Variants in UBOX5 observed in about 807,000 individuals in gnomAD.
UBOX5 encodes the protein RING finger protein 37.
In UBOX5, 28 loss-of-function variants were observed where a neutral mutation model predicts 39.0. That is an observed-to-expected ratio of 0.72 (90% CI 0.53 to 0.98). The LOEUF is 0.98. UBOX5 is among the 50% of genes least tolerant of loss of function. The pLI is 0.00. For missense variants in UBOX5, 585 were observed against 674.4 expected, an observed-to-expected ratio of 0.87 and a Z score of 1.47; for synonymous variants, 283 against 275.5, an observed-to-expected ratio of 1.03 and a Z score of -0.27.
rs1568468561 is a variant in UBOX5 at position 3,115,353 on chromosome 20, G to A, written c.1369C>T (p.Leu457Phe). The A allele has an allele frequency of 1.2e-6, 2 of 1,614,106 alleles. No homozygotes were observed. The highest frequency in any genetic ancestry group is 1.7e-5 in the Admixed American group (1 of 60,012). Reference sequence around the variant, plus strand: ...GAAGTGTTGCTCCCTCTTGTGCCAAGGTGCTGGAGCTGTCCCCTGGTCAGC... The same window carrying A: ...GAAGTGTTGCTCCCTCTTGTGCCAAAGTGCTGGAGCTGTCCCCTGGTCAGC... ...ARLTRGQLQH[L>F]GTRGSNTSWR... Residue 457 changes from leucine to phenylalanine, a missense_variant, in exon 4 of 5, where the codon CTT becomes TTT. Coordinates refer to ENST00000217173, the MANE Select transcript of UBOX5 (RefSeq NM_014948.4).
intron 4 of UBOX5, chr20:3,110,646 A>C: frequency 5.5e-6 from 2 of 365,134 alleles, no homozygotes; most frequent in Non-Finnish European, 1.0e-5. Context: ...CCAAGGCTGG[A>C]GCAAGGCACA....
intron 1 of UBOX5, among the ~76,000 whole-genome samples, chr20:3,126,368 T>C (rs2066388159): frequency 6.6e-6 from 1 of 152,032 alleles, no homozygotes; most frequent in African/African-American, 2.4e-5. Context: ...ACACAAACAC[T>C]GCGGAAGGCC....
rs1390578830 is a variant in UBOX5 at position 3,146,900 on chromosome 20, TG to T, written c.-42+12865del. 3.7e-6 allele frequency: 6 copies of T among 1,614,102 alleles called. No individual in the cohort carries two copies. In the Admixed American group the frequency reaches 6.7e-5, roughly 18 times the overall value. ...CACACGGTAGCCAAGCCGAGCCAGC[TG>T]CCGCCTCTTCATATTGTGCAGTCCA... On this transcript the variant is annotated intron_variant, in intron 1 of 4. Transcript: ENST00000217173.
At chr20:3,157,134 G>C (rs2066694156) in intron 1 of UBOX5, among the ~76,000 whole-genome samples, 1 of 152,098 alleles carries the variant, frequency 6.6e-6, no homozygotes, top group Non-Finnish European at 1.5e-5. Context: ...CTTTCTCTAG[G>C]TGCTGAGGTA....
intron 1 of UBOX5, among the ~76,000 whole-genome samples, chr20:3,155,479 C>T (rs2066674544): frequency 3.3e-5 from 5 of 151,874 alleles, no homozygotes; most frequent in Non-Finnish European, 5.9e-5. Flanking sequence ...TGTGGTGAGG[C>T]GAGGTCGCAC....
chr20:3,117,970 C>T (rs751179852), intron 3 of UBOX5, among the ~76,000 whole-genome samples: 7 of 151,570 alleles, frequency 4.6e-5, no homozygotes, highest in Non-Finnish European at 8.8e-5. Flanking sequence ...CCAGCCAGGG[C>T]GACAGAATGA....
chr20:3,155,031 C>T (rs557650991), intron 1 of UBOX5, among the ~76,000 whole-genome samples: 47 of 124,032 alleles, frequency 3.8e-4, no homozygotes, highest in South Asian at 7.6e-4. Context: ...CCAGCCTGGG[C>T]GACAGAGCAA....
At chr20:3,150,757 C>G (rs889599102) in intron 1 of UBOX5, 3 of 152,204 alleles carry the variant, frequency 2.0e-5, no homozygotes, top group Admixed American at 1.3e-4. Context: ...TGGCTCTGTT[C>G]CAGTAGCCCA....
intron 1 of UBOX5, 90 bp downstream of exon 1, chr20:3,159,676 G>T (rs998915641): frequency 4.6e-5 from 7 of 152,292 alleles, no homozygotes; most frequent in Admixed American, 3.9e-4. Flanking sequence ...TGGGCCGGCC[G>T]GGAGGACAGG....
At chr20:3,131,732 G>A (rs1460002610) in intron 1 of UBOX5, among the ~76,000 whole-genome samples, 2 of 152,186 alleles carry the variant, frequency 1.3e-5, no homozygotes, top group Admixed American at 1.3e-4. Flanking sequence ...ACACAGGCTG[G>A]GCGTGGTGGC....
intron 1 of UBOX5, among the ~76,000 whole-genome samples, chr20:3,145,156 G>A (rs988305023): frequency 1.3e-5 from 2 of 151,528 alleles, no homozygotes; most frequent in African/African-American, 4.8e-5. Flanking sequence ...GAAGCTTTGA[G>A]AGCCTTTTTT....
At chr20:3,153,429 A>T (rs2066651698) in intron 1 of UBOX5, among the ~76,000 whole-genome samples, 1 of 152,226 alleles carries the variant, frequency 6.6e-6, no homozygotes, top group Admixed American at 6.5e-5. Context: ...CTGTAATGTA[A>T]GTTTATAATC....
chr20:3,158,676 A>T (rs553442101), intron 1 of UBOX5, among the ~76,000 whole-genome samples: 2 of 151,980 alleles, frequency 1.3e-5, no homozygotes, highest in Admixed American at 1.3e-4. Flanking sequence ...GGGTTTCACC[A>T]TATTAGCCAA....
intron 3 of UBOX5, among the ~76,000 whole-genome samples, chr20:3,119,786 G>A (rs905798956): frequency 1.3e-5 from 2 of 152,006 alleles, no homozygotes; most frequent in African/African-American, 2.4e-5. Flanking sequence ...GCTGCGAGGC[G>A]GAGGCTGCAG....
chr20:3,146,842 T>C (rs748151290), intron 1 of UBOX5: 18 of 1,614,082 alleles, frequency 1.1e-5, no homozygotes, highest in Non-Finnish European at 1.4e-5. Context: ...TTCGTTTCAG[T>C]AGTGGGAGCC....
chr20:3,156,965 A>C (rs922407777), intron 1 of UBOX5, among the ~76,000 whole-genome samples: 10 of 152,192 alleles, frequency 6.6e-5, no homozygotes, highest in African/African-American at 2.2e-4. Flanking sequence ...TTAAGAATTA[A>C]AAAGGCAAAA....
At chr20:3,146,804 T>A (rs890373506) in intron 1 of UBOX5, 17 of 1,614,112 alleles carry the variant, frequency 1.1e-5, no homozygotes, top group Non-Finnish European at 1.4e-5. Flanking sequence ...TACTTTCTCA[T>A]GAAGAAACGC....
chr20:3,151,033 C>T (rs1159776070), intron 1 of UBOX5, among the ~76,000 whole-genome samples: 1 of 152,018 alleles, frequency 6.6e-6, no homozygotes, highest in Non-Finnish European at 1.5e-5. Context: ...AGGTGCACAC[C>T]ACCAAACCCA....
intron 1 of UBOX5, among the ~76,000 whole-genome samples, chr20:3,159,221 G>A (rs1480517430): frequency 1.3e-5 from 2 of 152,194 alleles, no homozygotes; most frequent in African/African-American, 2.4e-5. Context: ...ATGGGGGGAA[G>A]GTATATATCC....
Sources: gnomAD v4.1 joint callset for allele counts (sites outside exome capture counted in the v4.1 genomes callset) on GRCh38, gnomAD v4.1.1 for gene constraint, MANE v1.5 for transcripts, NCBI Gene and HGNC (gene_info 2026-07-23, HGNC 2026-07-21) for gene names.